The following TCF7L2 variants were observed in gnomAD, a reference collection of about 807,000 sequenced individuals.
The protein encoded by TCF7L2 is transcription factor 7 like 2, also known as transcription factor 7-like 2.
Under a neutral mutation model 77.9 loss-of-function variants are expected in TCF7L2, and 23 were observed. The ratio of observed to expected loss-of-function variants is 0.30; its 90% CI spans 0.21 to 0.42. TCF7L2 has a LOEUF of 0.42. Ranked by LOEUF, TCF7L2 falls within the 10% of genes least tolerant of loss-of-function variation. The pLI, the probability that TCF7L2 is intolerant of heterozygous loss-of-function variation, is 1.00. For synonymous variants in TCF7L2, 413 were observed against 340.2 expected, an observed-to-expected ratio of 1.21 and a Z score of -2.36; for missense variants, 654 against 793.1, an observed-to-expected ratio of 0.82 and a Z score of 2.11.
chr10:113,135,305 C>G (rs980673313), intron 5 of TCF7L2, among the ~76,000 whole-genome samples: 11 of 152,174 alleles, frequency 7.2e-5, no homozygotes, highest in African/African-American at 1.7e-4. Context: ...CCATTCCCCC[C>G]CACTGTAGTC....
At chr10:112,988,278 T>C (rs935290330) in intron 4 of TCF7L2, among the ~76,000 whole-genome samples, 1 of 152,026 alleles carries the variant, frequency 6.6e-6, no homozygotes, top group Non-Finnish European at 1.5e-5. Context: ...TTAGTATTTT[T>C]AGTAGTGATG....
At chr10:112,950,980 A>G (rs2134182265) in intron 1 of TCF7L2, 35 bp downstream of exon 1, 3 of 1,587,612 alleles carry the variant, frequency 1.9e-6, no homozygotes, top group Non-Finnish European at 2.6e-6. Context: ...GGGGTTTTTT[A>G]TCTGTTTCCT....
chr10:113,127,824 GA>G (rs1173019185), intron 5 of TCF7L2, among the ~76,000 whole-genome samples: 1 of 149,692 alleles, frequency 6.7e-6, no homozygotes, highest in African/African-American at 2.4e-5. Context: ...TTTTAAGGAA[GA>G]GGGGGTCTGT....
intron 5 of TCF7L2, among the ~76,000 whole-genome samples, chr10:113,092,127 T>G: frequency 6.6e-6 from 1 of 152,162 alleles, no homozygotes; most frequent in East Asian, 1.9e-4. Flanking sequence ...AAAGACTGGG[T>G]TTCTTCCTTA....
chr10:113,139,433 G>T (rs535604433), intron 5 of TCF7L2, among the ~76,000 whole-genome samples: 1 of 152,126 alleles, frequency 6.6e-6, no homozygotes, highest in Non-Finnish European at 1.5e-5. Context: ...CTTCACCCTG[G>T]CCATGGCCTG....
intron 3 of TCF7L2, among the ~76,000 whole-genome samples, chr10:112,952,953 C>A (rs2032330874): frequency 6.6e-6 from 1 of 151,850 alleles, no homozygotes; most frequent in Admixed American, 6.6e-5. Context: ...CCGGTATTGT[C>A]ATTTTACACC....
chr10:113,033,138 C>A (rs755296271), intron 4 of TCF7L2, among the ~76,000 whole-genome samples: 1 of 151,818 alleles, frequency 6.6e-6, no homozygotes, highest in Non-Finnish European at 1.5e-5. Flanking sequence ...AAATCTTTTT[C>A]TTTTTTATCT....
At chr10:112,993,084 C>T (rs750186713) in intron 4 of TCF7L2, among the ~76,000 whole-genome samples, 1 of 151,996 alleles carries the variant, frequency 6.6e-6, no homozygotes, top group Non-Finnish European at 1.5e-5. Context: ...TTTCTAACGT[C>T]CCCCTGACTT....
At chr10:113,018,444 CTTTTTTTTTTTT>C (rs35916053) in intron 4 of TCF7L2, among the ~76,000 whole-genome samples, 8 of 92,550 alleles carry the variant, frequency 8.6e-5, no homozygotes, top group African/African-American at 2.0e-4. Context: ...CTCCTGAGTC[CTTTTTTTTTTTT>C]TTTTTTTTTT....
At chr10:112,962,963 CTGT>C (rs1225236269) in intron 3 of TCF7L2, among the ~76,000 whole-genome samples, 2 of 152,118 alleles carry the variant, frequency 1.3e-5, no homozygotes, top group African/African-American at 4.8e-5. Context: ...GACAGATCTT[CTGT>C]TGTTTTAGGG....
At chr10:113,064,200 C>T (rs961787817) in intron 5 of TCF7L2, among the ~76,000 whole-genome samples, 1 of 152,174 alleles carries the variant, frequency 6.6e-6, no homozygotes, top group Non-Finnish European at 1.5e-5. Context: ...TTTATTCTTT[C>T]ACTCAAGCTA....
In TCF7L2 at chr10:113,040,254, G is replaced by A. The variant is rs1415698837; in HGVS notation, c.552+128G>A. On this transcript the variant is annotated intron_variant, in intron 5 of 13. Transcript: ENST00000627217. ...TAAACACATTTTCTTTGGAAATATT[G>A]TTGGGTATAGTTTATATCTATAAGG... 1.0e-5 allele frequency: 8 copies of A among 771,924 alleles called. No homozygotes were observed. In the East Asian group the frequency reaches 2.2e-4, roughly 21 times the overall value. The allele number at this position is 771,924 out of a possible 1,614,324, so 47.8% of individuals were successfully genotyped here. A position where few individuals can be genotyped will look rare whatever the true frequency, so the allele number is the denominator to read the frequency against.
At position 113,118,665 on chromosome 10, in the gene TCF7L2, T is replaced by G. The variant is rs111354085; in HGVS notation, c.553-22519T>G. On this transcript the variant is annotated intron_variant, in intron 5 of 13. Transcript: ENST00000627217. ...GAAGTTTTTTTTTTGTTTTTTTTTG[T>G]TTTTTTTTTTTTGTTTTTTTTATTT... is the stretch of plus-strand genomic sequence containing the variant. Among the ~76,000 whole-genome samples, 182 of 53,092 alleles carry G rather than the reference T, an allele frequency of 3.4e-3. 1 individual carries two copies. In the East Asian group the frequency reaches 0.43, roughly 125 times the overall value. The allele number at this position is 53,092 out of a possible 152,430, so 34.8% of individuals were successfully genotyped here.
At chr10:113,039,533 C>A (rs2052040258) in intron 4 of TCF7L2, among the ~76,000 whole-genome samples, 1 of 152,158 alleles carries the variant, frequency 6.6e-6, no homozygotes, top group Non-Finnish European at 1.5e-5. Context: ...AGGACAGCTG[C>A]TCATATGTAC....
chr10:113,053,511 C>T (rs2054825975), intron 5 of TCF7L2, among the ~76,000 whole-genome samples: 1 of 152,158 alleles, frequency 6.6e-6, no homozygotes, highest in East Asian at 1.9e-4. Flanking sequence ...CCTGGAGCCT[C>T]AGTTACTACA....
At chr10:113,040,159 T>G in intron 5 of TCF7L2, 33 bp downstream of exon 5, 4 of 1,586,918 alleles carry the variant, frequency 2.5e-6, no homozygotes, top group Non-Finnish European at 2.6e-6. Context: ...TGGCTTCCTT[T>G]ATTGAGGGGG....
chr10:112,985,909 A>G (rs998552421), intron 4 of TCF7L2, among the ~76,000 whole-genome samples: 36 of 147,350 alleles, frequency 2.4e-4, no homozygotes, highest in Middle Eastern at 3.4e-3. Flanking sequence ...TGTTAACTCT[A>G]TTAGTGCCAT....
chr10:113,040,568 G>A (rs1028001178), intron 5 of TCF7L2, among the ~76,000 whole-genome samples: 3 of 152,178 alleles, frequency 2.0e-5, no homozygotes, highest in Non-Finnish European at 4.4e-5. Context: ...ATATTTGTTG[G>A]CAACATTCTA....
At chr10:113,130,129 TG>T in intron 5 of TCF7L2, 2 of 688,540 alleles carry the variant, frequency 2.9e-6, no homozygotes, top group East Asian at 2.3e-4. Flanking sequence ...CAAGAATAAA[TG>T]GTCAACTCAA....
Sources: gnomAD v4.1 joint callset for allele counts (sites outside exome capture counted in the v4.1 genomes callset) on GRCh38, gnomAD v4.1.1 for gene constraint, MANE v1.5 for transcripts, NCBI Gene and HGNC (gene_info 2026-07-23, HGNC 2026-07-21) for gene names.